Variants in WDR44 observed in about 807,000 individuals in gnomAD.
WDR44 encodes the protein WD repeat domain 44.
A neutral mutation model predicts 65.7 loss-of-function variants in WDR44; 9 were observed. The observed-to-expected ratio is 0.14, with a 90% CI of 0.08 to 0.24. The LOEUF (loss-of-function observed/expected upper bound fraction) is 0.24, where lower values mean the gene tolerates loss of function less well. Ranked by LOEUF, WDR44 falls within the 10% of genes least tolerant of loss-of-function variation. WDR44 has a pLI of 1.00. For missense variants in WDR44, 425 were observed against 670.9 expected (o/e 0.63, Z 4.05); for synonymous variants, 220 against 235.2 (o/e 0.94, Z 0.59).
chrX:118,408,112 T>A (rs2056983069), intron 10 of WDR44, among the ~76,000 whole-genome samples: 1 of 112,163 alleles, frequency 8.9e-6, no homozygotes, highest in African/African-American at 3.2e-5. Context: ...AATGACTCAT[T>A]TTTAATACAC....
chrX:118,423,389 G>A (rs1029807152), intron 12 of WDR44, among the ~76,000 whole-genome samples: 1 of 111,441 alleles, frequency 9.0e-6, no homozygotes, highest in Non-Finnish European at 1.9e-5. Context: ...GGCTGGTCTC[G>A]AACTCCTGAC....
At chrX:118,361,502 G>T (rs939241173) in intron 1 of WDR44, among the ~76,000 whole-genome samples, 2 of 112,052 alleles carry the variant, frequency 1.8e-5, no homozygotes, top group African/African-American at 6.5e-5. Flanking sequence ...CGAGGCAGGC[G>T]GGGGGCCAAG....
rs1283069782 is a variant in WDR44, at chrX:118,352,348, A to G, written c.77+5768A>G. Reference sequence around the variant, plus strand: ...TATATATATATATATATATATATATATATATTTTTTTTTTTTTTTTTTTTT... The same window carrying G: ...TATATATATATATATATATATATATGTATATTTTTTTTTTTTTTTTTTTTT... On this transcript the variant is annotated intron_variant, in intron 1 of 19. Transcript: ENST00000254029. Among the ~76,000 whole-genome samples the G allele has an allele frequency of 1.3e-4, 3 of 23,334 alleles. No individual in the cohort carries two copies. In the East Asian group the frequency reaches 7.9e-3, roughly 61 times the overall value. 20.3% of individuals were successfully genotyped at this position (23,334 alleles called of 115,157 possible).
intron 1 of WDR44, among the ~76,000 whole-genome samples, chrX:118,377,715 T>TTC (rs199604168): frequency 2.0e-4 from 17 of 86,512 alleles, no homozygotes; most frequent in Middle Eastern, 5.4e-3. Context: ...TTTAATTTTC[T>TTC]TCTCTCTCTT....
chrX:118,444,301 T>C, intron 18 of WDR44, 59 bp from the exon 19 acceptor site: 2 of 1,139,429 alleles, frequency 1.8e-6, no homozygotes, highest in Non-Finnish European at 2.4e-6. Context: ...TAACATACAC[T>C]ATCGTGTTTG....
intron 1 of WDR44, among the ~76,000 whole-genome samples, chrX:118,372,587 T>C (rs1462984910): frequency 9.5e-6 from 1 of 105,514 alleles, no homozygotes; most frequent in Non-Finnish European, 2.0e-5. Context: ...AACAGTTCAA[T>C]AAAAAAAAAA....
chrX:118,418,965 G>T (rs1030143943), intron 12 of WDR44, among the ~76,000 whole-genome samples: 7 of 110,427 alleles, frequency 6.3e-5, no homozygotes, highest in Non-Finnish European at 1.3e-4. Flanking sequence ...GGGAAGCGGG[G>T]GAAAGCTGGC....
chrX:118,404,060 T>C (rs1422506366), intron 8 of WDR44, among the ~76,000 whole-genome samples: 1 of 112,113 alleles, frequency 8.9e-6, no homozygotes, highest in Admixed American at 9.5e-5. Context: ...CTCTCCACAC[T>C]ACCTCTGCCA....
At chrX:118,435,071 A>AT (rs1368185540) in intron 13 of WDR44, among the ~76,000 whole-genome samples, 2 of 111,431 alleles carry the variant, frequency 1.8e-5, no homozygotes, top group African/African-American at 6.5e-5. Flanking sequence ...ACGTTATTTA[A>AT]TTTCGTTTAT....
rs186495539 is a variant in WDR44 at position 118,448,831 on chromosome X, T to G, written c.2648-62T>G. The G allele has an allele frequency of 1.8e-4, 145 of 791,395 alleles. No individual in the cohort carries two copies. In the African/African-American group the frequency reaches 2.8e-3, roughly 15 times the overall value. The allele number at this position is 791,395 out of a possible 1,213,427, so 65.2% of individuals were successfully genotyped here. ...TGGAGGGTCATGGGCATGTGATAAT[T>G]GTGGCAGCAGGCTTCATATTCCTTT... On this transcript the variant is annotated intron_variant, in intron 19 of 19. Transcript: ENST00000254029.
chrX:118,413,681 G>A (rs202189899), intron 12 of WDR44, among the ~76,000 whole-genome samples: 2 of 111,975 alleles, frequency 1.8e-5, no homozygotes, highest in African/African-American at 6.5e-5. Context: ...GCAAAAGCTC[G>A]TTAGTGTAAT....
At chrX:118,354,875 A>G (rs2056445620) in intron 1 of WDR44, among the ~76,000 whole-genome samples, 1 of 112,097 alleles carries the variant, frequency 8.9e-6, no homozygotes, top group Admixed American at 9.5e-5. Context: ...TATAAATAGT[A>G]TGTAGTGCTG....
At chrX:118,443,492 A>G in intron 17 of WDR44, 68 bp from the exon 18 acceptor site, 1 of 1,139,745 alleles carries the variant, frequency 8.8e-7, no homozygotes, top group Non-Finnish European at 1.2e-6. Flanking sequence ...GGAAGCACTG[A>G]TAAAGGAAAC....
intron 8 of WDR44, among the ~76,000 whole-genome samples, chrX:118,400,667 TTTG>T (rs201702220): frequency 0.18 from 13,569 of 76,872 alleles, 750 homozygotes; most frequent in African/African-American, 0.32. Flanking sequence ...AGAAATCAGT[TTTG>T]TTTTTTTTTT....
In WDR44 at chrX:118,447,151, G is replaced by A. The variant is rs111947822; in HGVS notation, c.2648-1742G>A. The A allele has an allele frequency of 4.2e-3, 1,211 of 286,785 alleles. 22 individuals are homozygous for A. Among genetic ancestry groups the A allele is most frequent in the African/African-American group, 0.032 (1,124 of 34,790 alleles). The allele number at this position is 286,785 out of a possible 1,213,427, so 23.6% of individuals were successfully genotyped here. A position where few individuals can be genotyped will look rare whatever the true frequency, so the allele number is the denominator to read the frequency against. ...TTTGGCCAAAGTACTGGGATTACAG[G>A]CATGAGACATCATACCTGGCCTTTT... On this transcript the variant is annotated intron_variant, in intron 19 of 19. Transcript: ENST00000254029.
At chrX:118,378,323 A>AT in intron 1 of WDR44, 96 bp from the exon 2 acceptor site, 2 of 724,124 alleles carry the variant, frequency 2.8e-6, no homozygotes, top group Non-Finnish European at 4.1e-6. Flanking sequence ...ATATATACAC[A>AT]TTTTTTAAAT....
At chrX:118,384,123 G>A (rs1210267705) in intron 2 of WDR44, among the ~76,000 whole-genome samples, 1 of 109,277 alleles carries the variant, frequency 9.2e-6, no homozygotes, top group Non-Finnish European at 1.9e-5. Flanking sequence ...GCCTGTGCCC[G>A]GCCTTCTTTC....
chrX:118,429,560 G>A (rs1174583912), intron 12 of WDR44, among the ~76,000 whole-genome samples: 3 of 102,824 alleles, frequency 2.9e-5, no homozygotes, highest in Non-Finnish European at 5.8e-5. Flanking sequence ...CTGCACTCCA[G>A]CCTGGGTGAC....
intron 12 of WDR44, among the ~76,000 whole-genome samples, chrX:118,422,649 C>T: frequency 9.2e-6 from 1 of 108,955 alleles, no homozygotes; most frequent in East Asian, 2.9e-4. Flanking sequence ...CAAGATCGCA[C>T]CATTGCACTC....
Sources: gnomAD v4.1 joint callset for allele counts (sites outside exome capture counted in the v4.1 genomes callset) on GRCh38, gnomAD v4.1.1 for gene constraint, MANE v1.5 for transcripts, NCBI Gene and HGNC (gene_info 2026-07-23, HGNC 2026-07-21) for gene names.